The following SMCHD1 variants were observed in gnomAD, a reference collection of about 807,000 sequenced individuals.
SMCHD1 encodes the protein structural maintenance of chromosomes flexible hinge domain-containing protein 1.
In SMCHD1, 78 loss-of-function variants were observed where a neutral mutation model predicts 254.7. The ratio of observed to expected loss-of-function variants is 0.31; its 90% CI spans 0.26 to 0.37. The LOEUF (loss-of-function observed/expected upper bound fraction) is 0.37, where lower values mean the gene tolerates loss of function less well. SMCHD1 is among the 10% of genes least tolerant of loss of function. The probability of loss-of-function intolerance (pLI) is 1.00; values close to 1 mark genes in which losing one functional copy is unlikely to be tolerated. For synonymous variants in SMCHD1, 766 were observed against 794.9 expected (o/e 0.96, Z 0.61); for missense variants, 1,840 against 2,408.1 (o/e 0.76, Z 4.94).
chr18:2,749,568 A>G (rs1301767325), intron 30 of SMCHD1, among the ~76,000 whole-genome samples: 3 of 152,240 alleles, frequency 2.0e-5, no homozygotes, highest in Admixed American at 1.3e-4. Context: ...TGAATGTAGT[A>G]TTGCAGCAAA....
At chr18:2,705,478 A>G (rs2074492053) in intron 13 of SMCHD1, among the ~76,000 whole-genome samples, 1 of 152,168 alleles carries the variant, frequency 6.6e-6, no homozygotes, top group Non-Finnish European at 1.5e-5. Flanking sequence ...TGTATAAAGA[A>G]GCTGCCATAT....
chr18:2,748,457 GATCT>G (rs2075510951), intron 30 of SMCHD1, among the ~76,000 whole-genome samples: 1 of 142,162 alleles, frequency 7.0e-6, no homozygotes, highest in Non-Finnish European at 1.5e-5. Flanking sequence ...GCAGTGGCGT[GATCT>G]TGGCTCACTG....
rs200062413 is a variant in SMCHD1, at chr18:2,763,647, A to G, written c.4577A>G (p.Asp1526Gly). The G allele has an allele frequency of 3.2e-6, 5 of 1,571,202 alleles. No individual in the cohort carries two copies. In the African/African-American group the frequency reaches 7.0e-5, roughly 22 times the overall value. Residue 1526 changes from aspartate to glycine, a missense_variant, in exon 37 of 48, where the codon GAC (aspartate) becomes GGC (glycine). Transcript: ENST00000320876. ...ATTTTTTGTTTTAAGGATGACTACG[A>G]CAACCATACTGGAATTGATTTGGTT... is the stretch of plus-strand genomic sequence containing the variant. The part of the protein sequence containing the change: ...DLHLSITDDY[D>G]NHTGIDLVGT...
intron 7 of SMCHD1, among the ~76,000 whole-genome samples, chr18:2,690,097 T>C (rs1283528847): frequency 2.0e-5 from 3 of 152,168 alleles, no homozygotes; most frequent in African/African-American, 7.2e-5. Flanking sequence ...TAGGAAACTT[T>C]ATAGAAAAGC....
intron 30 of SMCHD1, among the ~76,000 whole-genome samples, chr18:2,748,456 T>G (rs1332673758): frequency 7.0e-6 from 1 of 142,190 alleles, no homozygotes; most frequent in Non-Finnish European, 1.5e-5. Context: ...TGCAGTGGCG[T>G]GATCTTGGCT....
chr18:2,673,206 TTTC>T (rs1343954916), intron 3 of SMCHD1, 72 bp from the exon 4 acceptor site: 36 of 1,464,138 alleles, frequency 2.5e-5, no homozygotes, highest in Admixed American at 7.5e-5. Flanking sequence ...TACTTGATAG[TTTC>T]TTCTTCTTTG....
intron 5 of SMCHD1, 102 bp from the exon 6 acceptor site, chr18:2,688,292 C>CAGTT: frequency 1.3e-6 from 1 of 762,740 alleles, no homozygotes; most frequent in Non-Finnish European, 2.2e-6. Flanking sequence ...GGGGTGTTTG[C>CAGTT]AGGCGTGATC....
intron 30 of SMCHD1, among the ~76,000 whole-genome samples, chr18:2,748,595 A>G (rs958626213): frequency 6.6e-6 from 1 of 151,894 alleles, no homozygotes; most frequent in African/African-American, 2.4e-5. Flanking sequence ...GGGTTTCACC[A>G]CGTTGGCCAG....
intron 12 of SMCHD1, among the ~76,000 whole-genome samples, chr18:2,702,939 G>C (rs2074436458): frequency 6.6e-6 from 1 of 152,114 alleles, no homozygotes; most frequent in Non-Finnish European, 1.5e-5. Context: ...CATTGCCCTA[G>C]AGGCAGGCAT....
chr18:2,748,325 T>C (rs11080987), intron 30 of SMCHD1, among the ~76,000 whole-genome samples: 37,875 of 137,820 alleles, frequency 0.27, 5,897 homozygotes, highest in East Asian at 0.48. Flanking sequence ...GAGGAAAAGC[T>C]GCTAGTCTTT....
chr18:2,777,133 ATCCC>A (rs2076082013), intron 42 of SMCHD1, among the ~76,000 whole-genome samples: 1 of 148,940 alleles, frequency 6.7e-6, no homozygotes, highest in Non-Finnish European at 1.5e-5. Context: ...TATCTCTGTA[ATCCC>A]TGGAGACTAA....
chr18:2,667,937 T>A (rs1173547794), intron 3 of SMCHD1, among the ~76,000 whole-genome samples: 2 of 152,162 alleles, frequency 1.3e-5, no homozygotes, highest in Non-Finnish European at 2.9e-5. Context: ...TGGAGTGCAG[T>A]GGTGTGATCT....
At chr18:2,684,518 T>TATAG (rs1230806631) in intron 5 of SMCHD1, among the ~76,000 whole-genome samples, 2 of 152,196 alleles carry the variant, frequency 1.3e-5, no homozygotes, top group Admixed American at 1.3e-4. Context: ...TCTTTTACGC[T>TATAG]ATAGATATTT....
rs147253552 is a variant in SMCHD1 at position 2,721,436 on chromosome 18, T to C, written c.2459-1083T>C. ...TTATACATAAATCTACTGTGTTCTTTTAACACCTGTGGAACATATTTTCAT... is the reference window on the plus strand; with the variant it reads ...TTATACATAAATCTACTGTGTTCTTCTAACACCTGTGGAACATATTTTCAT... On this transcript the variant is annotated intron_variant, in intron 19 of 47. Transcript: ENST00000320876. Among the ~76,000 whole-genome samples the C allele has an allele frequency of 5.5e-3, 845 of 152,274 alleles. 7 individuals are homozygous for C. Among genetic ancestry groups the C allele is most frequent in the African/African-American group, 0.02 (811 of 41,534 alleles).
Position 2,784,446 on chromosome 18 carries a change from A to G in SMCHD1, c.5548-4A>G. On this transcript the variant is annotated splice_region_variant and splice_polypyrimidine_tract_variant and intron_variant, in intron 44 of 47. Coordinates refer to ENST00000320876, the MANE Select transcript of SMCHD1 (RefSeq NM_015295.3). ...ACTACTTACTATTCACTTATTTACAATAGGTTGTTAAAATTACACACTGTC... is the reference window on the plus strand; with the variant it reads ...ACTACTTACTATTCACTTATTTACAGTAGGTTGTTAAAATTACACACTGTC... 1 of 1,602,850 alleles carries G rather than the reference A, an allele frequency of 6.2e-7. No individual in the cohort carries two copies. Among genetic ancestry groups the G allele is most frequent in the Non-Finnish European group, 8.5e-7 (1 of 1,175,286 alleles).
intron 45 of SMCHD1, among the ~76,000 whole-genome samples, chr18:2,785,867 G>T (rs1808544546): frequency 6.6e-6 from 1 of 151,994 alleles, no homozygotes; most frequent in South Asian, 2.1e-4. Context: ...GTCCTTTTGT[G>T]ACTGGCTAAT....
intron 25 of SMCHD1, among the ~76,000 whole-genome samples, chr18:2,736,180 G>T (rs1019249918): frequency 1.3e-5 from 2 of 152,188 alleles, no homozygotes; most frequent in African/African-American, 4.8e-5. Flanking sequence ...TTCAATAAAT[G>T]GTGCCGGGAT....
rs2074850228 is a variant in SMCHD1 at position 2,718,481 on chromosome 18, T to TATAA, written c.2458+47_2458+48insATAA. The TATAA allele has an allele frequency of 6.1e-6, 9 of 1,483,396 alleles. No individual in the cohort carries two copies. Among genetic ancestry groups the TATAA allele is most frequent in the Non-Finnish European group, 8.2e-6 (9 of 1,094,446 alleles). The allele number at this position is 1,483,396 out of a possible 1,614,324, so 91.9% of individuals were successfully genotyped here. A position where few individuals can be genotyped will look rare whatever the true frequency, so the allele number is the denominator to read the frequency against. On this transcript the variant is annotated intron_variant, in intron 19 of 47. Transcript: ENST00000320876. This position sits in a 1 kb window ranked among gnomAD's most constrained non-coding sequence, Gnocchi z 4.6. The stretch of plus-strand genomic sequence containing the variant: ...AATTATATATGCTAAAGGTGGCATT[T>TATAA]TAAATCCAAAGAGAAAAGAGAGATA...
chr18:2,716,526 A>C (rs2074803010), intron 17 of SMCHD1, among the ~76,000 whole-genome samples: 1 of 152,178 alleles, frequency 6.6e-6, no homozygotes, highest in African/African-American at 2.4e-5. Flanking sequence ...TCTGCCCCTG[A>C]GGCAGGTAGG....
Sources: gnomAD v4.1 joint callset for allele counts (sites outside exome capture counted in the v4.1 genomes callset) on GRCh38, gnomAD v4.1.1 for gene constraint, Gnocchi (gnomAD v3.1) non-coding constraint, MANE v1.5 for transcripts, NCBI Gene and HGNC (gene_info 2026-07-23, HGNC 2026-07-21) for gene names.